The following LPCAT3 variants were observed in gnomAD, a reference collection of about 807,000 sequenced individuals.
LPCAT3 encodes the protein lysophospholipid acyltransferase 5.
In LPCAT3, 21 loss-of-function variants were observed where a neutral mutation model predicts 63.4. The observed-to-expected ratio is 0.33, with a 90% CI of 0.23 to 0.48. The LOEUF (loss-of-function observed/expected upper bound fraction) is 0.48. LPCAT3 is among the 20% of genes least tolerant of loss of function. The probability of loss-of-function intolerance (pLI) is 0.99; values close to 1 mark genes in which losing one functional copy is unlikely to be tolerated. For synonymous variants in LPCAT3, 242 were observed against 227.5 expected, an observed-to-expected ratio of 1.06 and a Z score of -0.58; for missense variants, 451 against 590.6, an observed-to-expected ratio of 0.76 and a Z score of 2.45.
At chr12:6,979,036 G>T in intron 7 of LPCAT3, 1 of 305,476 alleles carries the variant, frequency 3.3e-6, no homozygotes, top group Non-Finnish European at 6.1e-6. Context: ...AACCTGCCCA[G>T]AATTACTGAA....
intron 1 of LPCAT3, among the ~76,000 whole-genome samples, chr12:7,013,879 A>G (rs1216486240): frequency 1.3e-5 from 2 of 152,214 alleles, no homozygotes; most frequent in Non-Finnish European, 2.9e-5. Flanking sequence ...AAAATCTCCA[A>G]TGTTCCCTAT....
chr12:6,977,226 A>G lies in LPCAT3; in HGVS notation c.1384T>C (p.Phe462Leu), dbSNP rs1555153355. 2.5e-6 allele frequency: 4 copies of G among 1,613,966 alleles called. No homozygotes were observed. ...GGCAATATGAATAGTAGGCTCAGGA[A>G]GAAGATGTGGCCAAGGAAATAGATG... ...KSIYFLGHIF[F>L]LSLLFILPYI... The change falls in exon 12 of 13, where the codon TTC becomes CTC. Residue 462 changes from phenylalanine to leucine, a missense_variant. Transcript: ENST00000261407. This position sits in a 1 kb window ranked among gnomAD's most constrained non-coding sequence, Gnocchi z 4.5.
intron 6 of LPCAT3, among the ~76,000 whole-genome samples, chr12:6,980,403 G>A (rs1428031939): frequency 6.6e-6 from 1 of 152,072 alleles, no homozygotes; most frequent in Admixed American, 6.6e-5. Flanking sequence ...AGAATGGAGT[G>A]CAGTGGTGTG....
At chr12:6,990,104 G>A (rs1340490969) in intron 1 of LPCAT3, among the ~76,000 whole-genome samples, 1 of 151,764 alleles carries the variant, frequency 6.6e-6, no homozygotes, top group Admixed American at 6.6e-5. Context: ...CTGAGTCTGG[G>A]GAGACAGAAG....
intron 2 of LPCAT3, chr12:6,983,023 C>T: frequency 1.7e-6 from 1 of 590,782 alleles, no homozygotes; most frequent in Non-Finnish European, 3.1e-6. Flanking sequence ...GCTCTGTTGT[C>T]CAGACTTGAG....
At chr12:6,989,512 G>GTGTTAGCCAGGA (rs1946567487) in intron 1 of LPCAT3, among the ~76,000 whole-genome samples, 2 of 151,660 alleles carry the variant, frequency 1.3e-5, no homozygotes, top group South Asian at 4.2e-4. Flanking sequence ...GGGTTTCACC[G>GTGTTAGCCAGGA]TGGTCTCGAT....
intron 7 of LPCAT3, chr12:6,979,133 A>G (rs985569389): frequency 2.1e-5 from 7 of 336,356 alleles, no homozygotes; most frequent in Non-Finnish European, 3.3e-5. Flanking sequence ...AAGTGCCCAA[A>G]TGTATCAGTC....
intron 5 of LPCAT3, 79 bp downstream of exon 5, chr12:6,981,516 G>C (rs781996368): frequency 6.4e-6 from 9 of 1,400,696 alleles, no homozygotes; most frequent in Admixed American, 3.4e-5. Context: ...TCTGGAATTT[G>C]GGTTCAGTCT....
chr12:7,002,754 T>C (rs782031141), intron 1 of LPCAT3, among the ~76,000 whole-genome samples: 1 of 152,368 alleles, frequency 6.6e-6, no homozygotes, highest in Non-Finnish European at 1.5e-5. Context: ...CTAACGCCTG[T>C]AATCCCAGCA....
chr12:6,990,315 C>G (rs1946575840), intron 1 of LPCAT3, among the ~76,000 whole-genome samples: 1 of 151,310 alleles, frequency 6.6e-6, no homozygotes, highest in Non-Finnish European at 1.5e-5. Context: ...CGAGACCATC[C>G]TGGTTAACAT....
chr12:6,977,297 T>G lies in LPCAT3; in HGVS notation c.1348-35A>C. The G allele has an allele frequency of 6.2e-7, 1 of 1,611,322 alleles. No individual in the cohort carries two copies. Among genetic ancestry groups the G allele is most frequent in the Non-Finnish European group, 8.5e-7 (1 of 1,177,486 alleles). ...GAGAGGCCACTAAGGTAGACAGGCC[T>G]GGAGTGTCCTTTGCAACCTTTGAGG... On this transcript the variant is annotated intron_variant, in intron 11 of 12. Coordinates refer to ENST00000261407, the MANE Select transcript of LPCAT3 (RefSeq NM_005768.6). This position sits in a 1 kb window ranked among gnomAD's most constrained non-coding sequence, Gnocchi z 4.5.
intron 1 of LPCAT3, among the ~76,000 whole-genome samples, chr12:7,003,648 C>T (rs1401604106): frequency 1.3e-5 from 2 of 151,952 alleles, no homozygotes; most frequent in Non-Finnish European, 2.9e-5. Flanking sequence ...TGCGGCCGGG[C>T]GCGGTGGCTC....
chr12:7,016,153 G>A (rs1430215605), intron 1 of LPCAT3, among the ~76,000 whole-genome samples: 1 of 151,414 alleles, frequency 6.6e-6, no homozygotes, highest in East Asian at 1.9e-4. Context: ...CTGGAGTGCA[G>A]TGGTGCCACG....
chr12:6,983,405 G>T, intron 2 of LPCAT3, 27 bp downstream of exon 2: 1 of 1,444,836 alleles, frequency 6.9e-7, no homozygotes, highest in Non-Finnish European at 9.7e-7. Flanking sequence ...ACTAATTGCG[G>T]TGTCACTGCT....
intron 1 of LPCAT3, among the ~76,000 whole-genome samples, chr12:6,997,586 T>C (rs1446130731): frequency 6.6e-6 from 1 of 150,376 alleles, no homozygotes; most frequent in African/African-American, 2.4e-5. Flanking sequence ...GCTGATTTTC[T>C]TTTCTTTTTT....
chr12:7,003,846 C>T (rs781981011), intron 1 of LPCAT3, among the ~76,000 whole-genome samples: 97 of 147,220 alleles, frequency 6.6e-4, no homozygotes, highest in African/African-American at 2.1e-3. Flanking sequence ...GGCGTGAACC[C>T]GGGAAGCGGA....
intron 1 of LPCAT3, among the ~76,000 whole-genome samples, chr12:7,015,366 C>G (rs782603659): frequency 2.6e-5 from 4 of 152,158 alleles, no homozygotes; most frequent in Non-Finnish European, 4.4e-5. Context: ...GTACCTCCAG[C>G]AAGGATTTCC....
chr12:6,990,568 G>A (rs1434645965), intron 1 of LPCAT3, among the ~76,000 whole-genome samples: 5 of 110,650 alleles, frequency 4.5e-5, no homozygotes, highest in Admixed American at 2.6e-4. Flanking sequence ...TAAATAAATT[G>A]AGCACCCCAA....
At chr12:7,015,899 G>C (rs1412067425) in intron 1 of LPCAT3, among the ~76,000 whole-genome samples, 1 of 152,148 alleles carries the variant, frequency 6.6e-6, no homozygotes, top group Non-Finnish European at 1.5e-5. Flanking sequence ...AGCCCAGCAG[G>C]AGTGCACAGG....
Sources: allele counts gnomAD v4.1 joint callset (sites outside exome capture counted in the v4.1 genomes callset), GRCh38; gene constraint gnomAD v4.1.1; non-coding constraint Gnocchi (gnomAD v3.1); transcripts MANE v1.5; gene names NCBI Gene and HGNC (gene_info 2026-07-23, HGNC 2026-07-21).